The following IFT43 variants were observed in gnomAD, a reference collection of about 807,000 sequenced individuals.
IFT43 encodes intraflagellar transport 43, also known as intraflagellar transport protein 43 homolog.
IFT43 carries 33 observed loss-of-function variants against 32.3 expected under a neutral mutation model. That is an observed-to-expected ratio of 1.02 (90% CI 0.77 to 1.37). The LOEUF (loss-of-function observed/expected upper bound fraction) is 1.37, where lower values mean the gene tolerates loss of function less well. Among genes scored for constraint, IFT43 ranks in the 40% most tolerant of loss-of-function variants. IFT43 has a pLI of 0.00. For missense variants in IFT43, 274 were observed against 265.9 expected (o/e 1.03, Z -0.21); for synonymous variants, 93 against 98.2 (o/e 0.95, Z 0.31).
chr14:76,036,484 A>C (rs1243784673), intron 3 of IFT43, among the ~76,000 whole-genome samples: 6 of 129,410 alleles, frequency 4.6e-5, no homozygotes, highest in African/African-American at 1.8e-4. Context: ...CGGCTCACTG[A>C]GTCTCCGCCA....
chr14:76,011,881 GA>G (rs2036092726), intron 2 of IFT43, among the ~76,000 whole-genome samples: 1 of 152,150 alleles, frequency 6.6e-6, no homozygotes, highest in African/African-American at 2.4e-5. Flanking sequence ...TGCAGGAGTA[GA>G]TGCCAGCCCT....
intron 5 of IFT43, among the ~76,000 whole-genome samples, chr14:76,070,008 C>T (rs909663792): frequency 6.6e-6 from 1 of 152,236 alleles, no homozygotes; most frequent in African/African-American, 2.4e-5. Context: ...GGTTGAGCCA[C>T]TTCTAGCCAG....
At chr14:75,988,588 G>A (rs998588614) in intron 1 of IFT43, among the ~76,000 whole-genome samples, 7 of 151,944 alleles carry the variant, frequency 4.6e-5, no homozygotes, top group Non-Finnish European at 7.4e-5. Context: ...GCACAATTTC[G>A]GCTCACTGCA....
chr14:76,016,702 T>C (rs1478583776), intron 2 of IFT43, among the ~76,000 whole-genome samples: 2 of 152,198 alleles, frequency 1.3e-5, no homozygotes, highest in African/African-American at 4.8e-5. Flanking sequence ...GGATGTCTAT[T>C]TGTTTATGTC....
chr14:75,986,075 C>G lies in IFT43; in HGVS notation c.54+235C>G, dbSNP rs879915021. 259 of 1,485,922 alleles carry G rather than the reference C, an allele frequency of 1.7e-4. 1 individual carries two copies. The Admixed American group carries it at 5.2e-3, about 30-fold the overall frequency. 92.0% of individuals were successfully genotyped at this position (1,485,922 alleles called of 1,614,324 possible). On this transcript the variant is annotated intron_variant, in intron 1 of 8. Coordinates refer to ENST00000314067, the MANE Select transcript of IFT43 (RefSeq NM_001102564.3). ...CAGAAAGTAGAAAACACCCTGTCCC[C>G]GCCGGCGTCTAGGACCGTGGGAAAT...
intron 5 of IFT43, among the ~76,000 whole-genome samples, chr14:76,065,611 C>T (rs1312825055): frequency 1.3e-5 from 2 of 151,760 alleles, no homozygotes; most frequent in African/African-American, 2.4e-5. Context: ...TACTCTTTTG[C>T]ACCTGGCTTT....
chr14:75,988,663 C>T (rs1236100805), intron 1 of IFT43, among the ~76,000 whole-genome samples: 3 of 152,068 alleles, frequency 2.0e-5, no homozygotes, highest in Non-Finnish European at 4.4e-5. Flanking sequence ...GGACTACAGG[C>T]GCCCGCCACA....
At chr14:76,033,364 A>G (rs2036542167) in intron 3 of IFT43, among the ~76,000 whole-genome samples, 1 of 152,252 alleles carries the variant, frequency 6.6e-6, no homozygotes, top group Non-Finnish European at 1.5e-5. Context: ...GGATAGAATA[A>G]GACCTTCCAG....
At chr14:76,035,100 G>A (rs1392922226) in intron 3 of IFT43, among the ~76,000 whole-genome samples, 1 of 152,184 alleles carries the variant, frequency 6.6e-6, no homozygotes, top group Non-Finnish European at 1.5e-5. Context: ...CTCAATGTCA[G>A]CCGTCATTTT....
chr14:76,052,485 C>T (rs1403624235), intron 3 of IFT43, among the ~76,000 whole-genome samples: 2 of 152,010 alleles, frequency 1.3e-5, no homozygotes, highest in African/African-American at 2.4e-5. Context: ...TAGTCCCACT[C>T]GATCATGATG....
At chr14:76,000,583 T>C (rs2035865911) in intron 2 of IFT43, among the ~76,000 whole-genome samples, 1 of 152,182 alleles carries the variant, frequency 6.6e-6, no homozygotes, top group Non-Finnish European at 1.5e-5. Context: ...TAACTGGCTA[T>C]TTTTAAAAAG....
At chr14:76,002,597 T>C (rs2035909881) in intron 2 of IFT43, among the ~76,000 whole-genome samples, 1 of 152,228 alleles carries the variant, frequency 6.6e-6, no homozygotes, top group African/African-American at 2.4e-5. Flanking sequence ...ATGTGAACAC[T>C]AACTTGGCTT....
chr14:75,985,811 G>C lies in IFT43; in HGVS notation c.25G>C (p.Glu9Gln), dbSNP rs751183646. 2.8e-5 allele frequency: 46 copies of C among 1,614,052 alleles called. No homozygotes were observed. The highest frequency in any genetic ancestry group is 1.7e-6 in the Non-Finnish European group (2 of 1,180,018). The change falls in exon 1 of 9, where the codon GAG becomes CAG. Residue 9 changes from glutamate to glutamine, a missense_variant. By Grantham distance (29) the Glu-to-Gln change is conservative (BLOSUM62 2). Coordinates refer to ENST00000314067, the MANE Select transcript of IFT43 (RefSeq NM_001102564.3). MEDLLDLD[E>Q]ELRYSLATSR... ...GATGGAGGATTTGCTCGACTTGGAC[G>C]AGGAGCTTCGCTACAGCTTGGCTAC...
At position 76,083,115 on chromosome 14, in the gene IFT43, G is replaced by C; in HGVS notation, c.445-112G>C. On this transcript the variant is annotated intron_variant, in intron 7 of 8. Transcript: ENST00000314067. ...CTCTCTTGTGAAGGCATTCCTGCAG[G>C]TCTCAGTTTGGGAAGTTCTGACACA... 12 of 1,075,638 alleles carry C rather than the reference G, an allele frequency of 1.1e-5. No homozygotes were observed. The South Asian group carries it at 1.6e-4, about 14-fold the overall frequency. 66.6% of individuals were successfully genotyped at this position (1,075,638 alleles called of 1,614,324 possible).
chr14:76,000,415 C>A lies in IFT43; in HGVS notation c.147+11438C>A, dbSNP rs995191060. 1.5e-4 allele frequency among the ~76,000 whole-genome samples: 23 copies of A among 151,618 alleles called. No homozygotes were observed. In the East Asian group the frequency reaches 4.3e-3, roughly 28 times the overall value. ...GAGTAGCTAGGACTACAGGCGCCTG[C>A]CACCACGCCAGGCTAATTTTTTTTT... is the stretch of plus-strand genomic sequence containing the variant. On this transcript the variant is annotated intron_variant, in intron 2 of 8. Coordinates refer to ENST00000314067, the MANE Select transcript of IFT43 (RefSeq NM_001102564.3).
chr14:75,994,103 C>T (rs1272468938), intron 2 of IFT43, among the ~76,000 whole-genome samples: 3 of 143,950 alleles, frequency 2.1e-5, no homozygotes, highest in Non-Finnish European at 3.1e-5. Context: ...ATAGAAAGCC[C>T]TTTTTTTTTT....
intron 5 of IFT43, among the ~76,000 whole-genome samples, chr14:76,075,492 T>C (rs1414292773): frequency 6.6e-6 from 1 of 152,204 alleles, no homozygotes; most frequent in Non-Finnish European, 1.5e-5. Flanking sequence ...AAATTCTCCA[T>C]TTTTTGACTT....
chr14:76,042,404 C>A (rs1345277310), intron 3 of IFT43, among the ~76,000 whole-genome samples: 3 of 152,198 alleles, frequency 2.0e-5, no homozygotes, highest in Non-Finnish European at 4.4e-5. Flanking sequence ...TGCCCCTTGA[C>A]ACCTGATACA....
intron 1 of IFT43, chr14:75,986,446 C>CAA (rs60299035): frequency 0.088 from 13,071 of 148,642 alleles, 1,168 homozygotes; most frequent in African/African-American, 0.25. Flanking sequence ...TGCCTGGGTT[C>CAA]AAAAAAAAAA....
Sources: gnomAD v4.1 joint callset for allele counts (sites outside exome capture counted in the v4.1 genomes callset) on GRCh38, gnomAD v4.1.1 for gene constraint, MANE v1.5 for transcripts, NCBI Gene and HGNC (gene_info 2026-07-23, HGNC 2026-07-21) for gene names.